FKBP9: variants seen among roughly 807,000 people sequenced by gnomAD.
FKBP9 encodes the protein peptidyl-prolyl cis-trans isomerase FKBP9.
A neutral mutation model predicts 55.6 loss-of-function variants in FKBP9; 27 were observed. The observed-to-expected ratio is 0.49, with a 90% confidence interval of 0.36 to 0.67. The LOEUF (loss-of-function observed/expected upper bound fraction) is 0.67. Ranked by LOEUF, FKBP9 falls within the 30% of genes least tolerant of loss-of-function variation. The probability of loss-of-function intolerance (pLI) is 0.00; values close to 1 mark genes in which losing one functional copy is unlikely to be tolerated. For synonymous variants in FKBP9, 267 were observed against 296.5 expected (o/e 0.90, Z 1.02); for missense variants, 539 against 742.8 (o/e 0.73, Z 3.19).
intron 6 of FKBP9, among the ~76,000 whole-genome samples, chr7:32,994,503 C>T (rs1234667917): frequency 3.3e-5 from 5 of 151,956 alleles, no homozygotes; most frequent in East Asian, 3.9e-4. Flanking sequence ...CAGAGCCATC[C>T]GTGGCCTGGC....
intron 1 of FKBP9, among the ~76,000 whole-genome samples, chr7:32,970,120 TGGA>T (rs1784224438): frequency 6.6e-6 from 1 of 152,172 alleles, no homozygotes; most frequent in South Asian, 2.1e-4. Flanking sequence ...TTGGTTAGTG[TGGA>T]CATCTTAGCC....
In FKBP9 at chr7:32,976,395, GC is replaced by G. The variant is rs750481309; in HGVS notation, c.600del (p.Trp201GlyfsTer2). Reference sequence around the variant, plus strand: ...ACATATGACACGTATGTGGGAATTGGCTGGCTGATTCCTGGAATGGATAAAG... The same window carrying G: ...ACATATGACACGTATGTGGGAATTGGTGGCTGATTCCTGGAATGGATAAAG... ...MKTYDTYVGI[G>X]WLIPGMDKGL... On this transcript the variant is annotated frameshift_variant, in exon 4 of 10. Transcript: ENST00000242209. LOFTEE classifies it high-confidence loss of function. 6.2e-7 allele frequency: 1 copy of G among 1,613,784 alleles called. No individual in the cohort carries two copies. The highest frequency in any genetic ancestry group is 1.3e-5 in the African/African-American group (1 of 74,886).
chr7:33,004,932 T>C (rs1476328227), intron 9 of FKBP9, among the ~76,000 whole-genome samples: 3 of 152,084 alleles, frequency 2.0e-5, no homozygotes, highest in African/African-American at 7.2e-5. Flanking sequence ...GGCTGCTGGG[T>C]ATTGGCTACC....
chr7:32,988,685 G>A (rs1316477503), intron 6 of FKBP9, 33 bp downstream of exon 6: 31 of 1,607,774 alleles, frequency 1.9e-5, no homozygotes, highest in Non-Finnish European at 2.6e-5. Context: ...TTCCTCACTA[G>A]CTGTGGCTGC....
chr7:32,963,641 G>C, intron 1 of FKBP9: 1 of 1,461,438 alleles, frequency 6.8e-7, no homozygotes, highest in Non-Finnish European at 9.0e-7. Context: ...TAAGCAGAAA[G>C]GAGTGGGAAT....
chr7:32,959,994 C>T (rs972943779), intron 1 of FKBP9, among the ~76,000 whole-genome samples: 3 of 151,954 alleles, frequency 2.0e-5, no homozygotes, highest in East Asian at 1.9e-4. Flanking sequence ...ATGTTATAAA[C>T]GTTTTGAAGA....
intron 5 of FKBP9, among the ~76,000 whole-genome samples, chr7:32,982,004 T>C (rs887159477): frequency 6.6e-6 from 1 of 150,876 alleles, no homozygotes; most frequent in Admixed American, 6.6e-5. Context: ...TTTCTATTTT[T>C]AATTTTTCCA....
chr7:32,984,694 T>C (rs189020369), intron 5 of FKBP9, among the ~76,000 whole-genome samples: 27 of 152,376 alleles, frequency 1.8e-4, no homozygotes, highest in African/African-American at 6.0e-4. Flanking sequence ...TTTCTCTCTA[T>C]GCTCATAAAT....
chr7:32,992,456 T>A (rs1784704965), intron 6 of FKBP9, among the ~76,000 whole-genome samples: 1 of 152,264 alleles, frequency 6.6e-6, no homozygotes, highest in African/African-American at 2.4e-5. Context: ...TTTTCTCATC[T>A]GTATCTCTTC....
intron 5 of FKBP9, among the ~76,000 whole-genome samples, chr7:32,986,060 T>C (rs905184201): frequency 6.3e-4 from 96 of 152,216 alleles, no homozygotes; most frequent in African/African-American, 2.3e-3. Context: ...CACTTTTCCA[T>C]TGGGGAACAG....
Position 32,974,676 on chromosome 7 carries a change from T to C in FKBP9, c.281T>C (p.Met94Thr), listed in dbSNP as rs767340272. 2 of 1,613,950 alleles carry C rather than the reference T, an allele frequency of 1.2e-6. No individual in the cohort carries two copies. The highest frequency in any genetic ancestry group is 1.7e-6 in the Non-Finnish European group (2 of 1,179,832). Reference sequence around the variant, plus strand: ...GGAAAAGGACAGCTGATCACAGGGATGGACCAGGCTCTTGTTGGGATGTGC... The same window carrying C: ...GGAAAAGGACAGCTGATCACAGGGACGGACCAGGCTCTTGTTGGGATGTGC... ...FVGKGQLITGMDQALVGMCVN... is the reference protein window; with the variant it reads ...FVGKGQLITGTDQALVGMCVN... Residue 94 changes from methionine (M) to threonine (T), a missense_variant, in exon 2 of 10, where the codon ATG (methionine) becomes ACG (threonine). Met to Thr is a moderately conservative substitution (Grantham distance 81). Coordinates refer to ENST00000242209, the MANE Select transcript of FKBP9 (RefSeq NM_007270.5).
intron 9 of FKBP9, among the ~76,000 whole-genome samples, chr7:33,003,498 G>T (rs1415637849): frequency 6.6e-6 from 1 of 152,010 alleles, no homozygotes; most frequent in Non-Finnish European, 1.5e-5. Flanking sequence ...CAAAAGAATT[G>T]TGTGTCCTTT....
At chr7:32,985,174 CTTTCT>C (rs1784551522) in intron 5 of FKBP9, among the ~76,000 whole-genome samples, 2 of 124,400 alleles carry the variant, frequency 1.6e-5, no homozygotes, top group East Asian at 4.2e-4. Flanking sequence ...TTCTTTCTTT[CTTTCT>C]TTTTTTTTTT....
At position 33,005,831 on chromosome 7, in the gene FKBP9, C is replaced by T. The variant is rs1785027873; in HGVS notation, c.*480C>T. 4.3e-6 allele frequency: 1 copy of T among 233,422 alleles called. No individual in the cohort carries two copies. Among genetic ancestry groups the T allele is most frequent in the South Asian group, 1.8e-4 (1 of 5,664 alleles). The allele number at this position is 233,422 out of a possible 1,614,324, so 14.5% of individuals were successfully genotyped here. On this transcript the variant is annotated 3_prime_UTR_variant, in exon 10 of 10. Transcript: ENST00000242209. ...GGGCTTGCTTGCCCCAGCAGAGTTC[C>T]CAGCAGACAGCCATGGCTCTTCCCA...
At chr7:32,965,916 G>A (rs1373935286) in intron 1 of FKBP9, among the ~76,000 whole-genome samples, 1 of 143,440 alleles carries the variant, frequency 7.0e-6, no homozygotes, top group Admixed American at 7.1e-5. Flanking sequence ...TGGGGGGCTG[G>A]GCGCGGTGGC....
intron 6 of FKBP9, among the ~76,000 whole-genome samples, chr7:32,991,840 A>G (rs563683197): frequency 3.3e-5 from 5 of 152,048 alleles, no homozygotes; most frequent in Non-Finnish European, 7.4e-5. Flanking sequence ...CAACTTCCAG[A>G]TTACCTTTTG....
intron 6 of FKBP9, among the ~76,000 whole-genome samples, chr7:32,995,857 T>C (rs868804656): frequency 1.3e-5 from 2 of 152,296 alleles, no homozygotes; most frequent in South Asian, 2.1e-4. Context: ...TAGCCACTCA[T>C]CTTTCAGGCT....
rs1221492000 is a variant in FKBP9 at position 32,960,664 on chromosome 7, G to T, written c.221+2870G>T. 3.3e-5 allele frequency among the ~76,000 whole-genome samples: 5 copies of T among 152,156 alleles called. No homozygotes were observed. In the East Asian group the frequency reaches 9.6e-4, roughly 29 times the overall value. On this transcript the variant is annotated intron_variant, in intron 1 of 9. Coordinates refer to ENST00000242209, the MANE Select transcript of FKBP9 (RefSeq NM_007270.5). ...GGCAGCCACTGTGAGGTAGTGTAGG[G>T]CAGTTGAAAGAGCATGGAGGATCTA...
At position 32,996,143 on chromosome 7, in the gene FKBP9, TC is replaced by T. The variant is rs1367554102; in HGVS notation, c.1040-16del. ...CAGCCTGCAGGGGTCATTCATTAAT[TC>T]CCCGTGTCTGTCCTTTAGGGAATAT... On this transcript the variant is annotated intron_variant, in intron 6 of 9. Coordinates refer to ENST00000242209, the MANE Select transcript of FKBP9 (RefSeq NM_007270.5). 3 of 1,612,216 alleles carry T rather than the reference TC, an allele frequency of 1.9e-6. No homozygotes were observed. The highest frequency in any genetic ancestry group is 2.5e-6 in the Non-Finnish European group (3 of 1,178,646).
Sources: allele counts gnomAD v4.1 joint callset (sites outside exome capture counted in the v4.1 genomes callset), GRCh38; gene constraint gnomAD v4.1.1; transcripts MANE v1.5; gene names NCBI Gene and HGNC (gene_info 2026-07-23, HGNC 2026-07-21).